The following CCBE1 variants were observed in gnomAD, a reference collection of about 807,000 sequenced individuals.
CCBE1 encodes the protein collagen and calcium binding EGF domains 1.
In CCBE1, 37 loss-of-function variants were observed where a neutral mutation model predicts 50.0. That is an observed-to-expected ratio of 0.74 (90% CI 0.57 to 0.97). CCBE1 has a LOEUF of 0.97. CCBE1 is among the 50% of genes least tolerant of loss of function. CCBE1 has a pLI of 0.00. For missense variants in CCBE1, 538 were observed against 523.8 expected (o/e 1.03, Z -0.26); for synonymous variants, 234 against 203.7 (o/e 1.15, Z -1.27).
chr18:59,648,949 CA>C (rs745927912), intron 2 of CCBE1, among the ~76,000 whole-genome samples: 1 of 152,224 alleles, frequency 6.6e-6, no homozygotes, highest in Non-Finnish European at 1.5e-5. Flanking sequence ...TAATTGGTGT[CA>C]TCAGCTGATA....
At chr18:59,602,853 G>T (rs1160683412) in intron 2 of CCBE1, among the ~76,000 whole-genome samples, 1 of 152,218 alleles carries the variant, frequency 6.6e-6, no homozygotes, top group African/African-American at 2.4e-5. Flanking sequence ...CAGCCTAATG[G>T]TTAAGAACTC....
intron 2 of CCBE1, among the ~76,000 whole-genome samples, chr18:59,583,685 G>A (rs1024636854): frequency 3.0e-4 from 11 of 36,202 alleles, no homozygotes; most frequent in South Asian, 1.2e-3. Flanking sequence ...GTGTGTGCGC[G>A]CGCGCGCGCG....
At chr18:59,645,888 G>A (rs1471389105) in intron 2 of CCBE1, among the ~76,000 whole-genome samples, 8 of 152,172 alleles carry the variant, frequency 5.3e-5, no homozygotes, top group Admixed American at 2.6e-4. Flanking sequence ...AAAAATAGCC[G>A]GGTGTGGTGG....
At chr18:59,661,831 A>G (rs2054290093) in intron 2 of CCBE1, among the ~76,000 whole-genome samples, 1 of 151,824 alleles carries the variant, frequency 6.6e-6, no homozygotes, top group Non-Finnish European at 1.5e-5. Flanking sequence ...GCGGGGCACA[A>G]TGCTGCGCAC....
At chr18:59,556,634 C>T (rs1386167122) in intron 2 of CCBE1, among the ~76,000 whole-genome samples, 4 of 152,126 alleles carry the variant, frequency 2.6e-5, no homozygotes, top group South Asian at 2.1e-4. Flanking sequence ...TGCTTTTCTG[C>T]TCAGAGAACC....
intron 2 of CCBE1, among the ~76,000 whole-genome samples, chr18:59,606,039 G>A (rs1332716543): frequency 1.3e-5 from 2 of 152,180 alleles, no homozygotes; most frequent in Admixed American, 6.5e-5. Context: ...TGATCTCAAC[G>A]CCTATGGTGC....
chr18:59,484,795 G>A (rs1051784210), intron 2 of CCBE1, among the ~76,000 whole-genome samples: 1 of 151,910 alleles, frequency 6.6e-6, no homozygotes, highest in Non-Finnish European at 1.5e-5. Context: ...AGAGTTCCTG[G>A]GAATACATTA....
rs567249118 is a variant in CCBE1 at position 59,604,335 on chromosome 18, C to G, written c.212+92294G>C. ...GTGAAGCTGGAGTCTGATCCCAAGT[C>G]TGTCTGACTTCACACCTGAGTTCTT... On this transcript the variant is annotated intron_variant, in intron 2 of 10. Coordinates refer to ENST00000439986, the MANE Select transcript of CCBE1 (RefSeq NM_133459.4). Among the ~76,000 whole-genome samples the G allele has an allele frequency of 3.2e-4, 49 of 152,324 alleles. 4 individuals carry two copies. The South Asian group carries it at 7.7e-3, about 24-fold the overall frequency.
chr18:59,443,482 T>C, intron 7 of CCBE1, among the ~76,000 whole-genome samples: 1 of 152,050 alleles, frequency 6.6e-6, no homozygotes, highest in East Asian at 1.9e-4. Context: ...TTTTTTTTTT[T>C]TTGAGATGGA....
chr18:59,651,329 C>T (rs781380572), intron 2 of CCBE1, among the ~76,000 whole-genome samples: 16 of 152,278 alleles, frequency 1.1e-4, no homozygotes, highest in Admixed American at 3.3e-4. Context: ...GGAAAATGAG[C>T]GTCCATACCA....
intron 2 of CCBE1, among the ~76,000 whole-genome samples, chr18:59,602,729 A>G (rs919199863): frequency 9.8e-5 from 15 of 152,338 alleles, no homozygotes; most frequent in African/African-American, 3.6e-4. Context: ...GGAAGGCAAG[A>G]GGCATAGGGA....
chr18:59,658,321 TAAAAAAAAAAAAAA>T (rs1157998930), intron 2 of CCBE1, among the ~76,000 whole-genome samples: 9 of 6,422 alleles, frequency 1.4e-3, no homozygotes, highest in East Asian at 0.023. Flanking sequence ...ACCCTGTCTC[TAAAAAAAAAAAAAA>T]AAAAAAAAAA....
chr18:59,472,592 C>T (rs142035307), intron 3 of CCBE1, among the ~76,000 whole-genome samples: 74 of 152,296 alleles, frequency 4.9e-4, no homozygotes, highest in African/African-American at 1.6e-3. Context: ...CTCAAATAAT[C>T]CTCGTCTCAG....
chr18:59,464,417 C>T (rs1465470539), intron 5 of CCBE1, among the ~76,000 whole-genome samples: 1 of 152,190 alleles, frequency 6.6e-6, no homozygotes, highest in East Asian at 1.9e-4. Flanking sequence ...GCCTGGGCAA[C>T]AGAGCAAGAC....
chr18:59,598,712 C>T (rs2053389626), intron 2 of CCBE1, among the ~76,000 whole-genome samples: 1 of 152,224 alleles, frequency 6.6e-6, no homozygotes, highest in Non-Finnish European at 1.5e-5. Context: ...CCTGGCCAGT[C>T]AGAGCTCTAC....
chr18:59,665,108 C>A lies in CCBE1; in HGVS notation c.212+31521G>T, dbSNP rs534911824. On this transcript the variant is annotated intron_variant, in intron 2 of 10. Coordinates refer to ENST00000439986, the MANE Select transcript of CCBE1 (RefSeq NM_133459.4). The stretch of plus-strand genomic sequence containing the variant: ...GATACAAGGCCAAGGCAGCTCCAAG[C>A]GTCAGCTGGCATTCTTCTTAGTGCA... Among the ~76,000 whole-genome samples the A allele has an allele frequency of 3.9e-5, 6 of 152,232 alleles. No individual in the cohort carries two copies. In the South Asian group the frequency reaches 1.0e-3, roughly 26 times the overall value.
intron 7 of CCBE1, among the ~76,000 whole-genome samples, chr18:59,440,874 G>C (rs771462791): frequency 2.0e-5 from 3 of 152,170 alleles, no homozygotes; most frequent in Non-Finnish European, 2.9e-5. Context: ...CTACAGTGTG[G>C]GGAGAGAACC....
At chr18:59,663,713 C>A (rs1218535736) in intron 2 of CCBE1, among the ~76,000 whole-genome samples, 4 of 152,110 alleles carry the variant, frequency 2.6e-5, no homozygotes. Context: ...GGGCATTATT[C>A]AGGGCAAGAG....
chr18:59,484,129 A>G (rs1201266118), intron 2 of CCBE1, among the ~76,000 whole-genome samples: 1 of 152,352 alleles, frequency 6.6e-6, no homozygotes, highest in East Asian at 1.9e-4. Context: ...ATAGTTTAAA[A>G]AAGTTCAAGC....
Sources: gnomAD v4.1 joint callset for allele counts (sites outside exome capture counted in the v4.1 genomes callset) on GRCh38, gnomAD v4.1.1 for gene constraint, MANE v1.5 for transcripts, NCBI Gene and HGNC (gene_info 2026-07-23, HGNC 2026-07-21) for gene names.